EYS: variants seen among roughly 807,000 people sequenced by gnomAD.
EYS encodes the protein protein eyes shut homolog.
EYS carries 250 observed loss-of-function variants against 282.1 expected under a neutral mutation model. The ratio of observed to expected loss-of-function variants is 0.89; its 90% CI spans 0.80 to 0.98. The LOEUF (loss-of-function observed/expected upper bound fraction) is 0.98. EYS is among the 50% of genes least tolerant of loss of function. EYS has a pLI of 0.00. For synonymous variants in EYS, 1,355 were observed against 1,282.9 expected (o/e 1.06, Z -1.20); for missense variants, 4,016 against 3,709.0 (o/e 1.08, Z -2.15).
At chr6:65,222,051 T>C (rs1233045792) in intron 12 of EYS, among the ~76,000 whole-genome samples, 1 of 152,182 alleles carries the variant, frequency 6.6e-6, no homozygotes, top group Non-Finnish European at 1.5e-5. Context: ...ACCTAGGAAG[T>C]AACTAACTTG....
chr6:65,086,321 A>C (rs1442486975), intron 12 of EYS, among the ~76,000 whole-genome samples: 1 of 151,388 alleles, frequency 6.6e-6, no homozygotes, highest in African/African-American at 2.5e-5. Context: ...ATCTCAAAAA[A>C]ACTAAATAAA....
chr6:64,950,823 ATATATATATATT>A lies in EYS; in HGVS notation c.2260-4921_2260-4910del, dbSNP rs1384054048. On this transcript the variant is annotated intron_variant, in intron 14 of 42. Coordinates refer to ENST00000503581, the MANE Select transcript of EYS (RefSeq NM_001142800.2). Reference sequence around the variant, plus strand: ...CATATATATATATATATATATATATATATATATATATTGTTGAATTGTTACAAGAACAACTGA... The same window carrying A: ...CATATATATATATATATATATATATAGTTGAATTGTTACAAGAACAACTGA... 1.2e-3 allele frequency among the ~76,000 whole-genome samples: 136 copies of A among 115,696 alleles called. 2 individuals are homozygous for A. In the Middle Eastern group the frequency reaches 0.013, roughly 11 times the overall value. 75.9% of individuals were successfully genotyped at this position (115,696 alleles called of 152,430 possible).
At chr6:65,316,363 C>T (rs553760178) in intron 11 of EYS, among the ~76,000 whole-genome samples, 2 of 152,158 alleles carry the variant, frequency 1.3e-5, no homozygotes, top group Admixed American at 6.5e-5. Flanking sequence ...AGATTATCTT[C>T]TAATTGATTT....
intron 19 of EYS, among the ~76,000 whole-genome samples, chr6:64,850,916 T>C (rs951546815): frequency 6.6e-6 from 1 of 152,066 alleles, no homozygotes; most frequent in African/African-American, 2.4e-5. Context: ...GTAGGGAAGA[T>C]GCAAGGGATA....
At chr6:65,013,826 C>T (rs1020248283) in intron 13 of EYS, among the ~76,000 whole-genome samples, 4 of 152,260 alleles carry the variant, frequency 2.6e-5, no homozygotes, top group Admixed American at 1.3e-4. Context: ...GATTGAGCCA[C>T]TGCATTTCAG....
At chr6:64,913,135 A>G (rs1322895312) in intron 15 of EYS, among the ~76,000 whole-genome samples, 1 of 152,122 alleles carries the variant, frequency 6.6e-6, no homozygotes, top group Non-Finnish European at 1.5e-5. Flanking sequence ...CGTCCTTAGC[A>G]ATATGTGAAA....
chr6:63,723,788 CATTATTATTATT>C (rs57873412), intron 42 of EYS, among the ~76,000 whole-genome samples: 10,122 of 138,120 alleles, frequency 0.073, 401 homozygotes, highest in East Asian at 0.14. Flanking sequence ...TACACATTGG[CATTATTATTATT>C]ATTATTATTA....
At chr6:65,549,620 T>TA (rs566792726) in intron 2 of EYS, among the ~76,000 whole-genome samples, 26 of 152,318 alleles carry the variant, frequency 1.7e-4, no homozygotes, top group African/African-American at 6.3e-4. Context: ...GGCTTATATT[T>TA]AAGGTCTCAT....
intron 26 of EYS, among the ~76,000 whole-genome samples, chr6:64,551,868 G>A (rs563653788): frequency 6.6e-6 from 1 of 152,282 alleles, no homozygotes; most frequent in East Asian, 1.9e-4. Context: ...TCCAGCACCT[G>A]TTGTTTCCTG....
intron 4 of EYS, among the ~76,000 whole-genome samples, chr6:65,493,205 T>C (rs1766112845): frequency 6.6e-6 from 1 of 152,080 alleles, no homozygotes; most frequent in Admixed American, 6.6e-5. Flanking sequence ...ATGAGCCGCC[T>C]CCAAGTCGGC....
In EYS at chr6:65,388,147, A is replaced by T. The variant is rs189680556; in HGVS notation, c.1185-3647T>A. 4.7e-4 allele frequency among the ~76,000 whole-genome samples: 72 copies of T among 152,138 alleles called. 1 individual carries two copies. In the East Asian group the frequency reaches 0.013, roughly 28 times the overall value. Reference sequence around the variant, plus strand: ...ACAAGGTCACTGCCTGGATTTCAGGAAGCAAATAATTCAGATGTAAAAGTG... The same window carrying T: ...ACAAGGTCACTGCCTGGATTTCAGGTAGCAAATAATTCAGATGTAAAAGTG... On this transcript the variant is annotated intron_variant, in intron 7 of 42. Transcript: ENST00000503581.
chr6:64,659,788 G>A (rs2149886265), intron 22 of EYS, among the ~76,000 whole-genome samples: 1 of 152,162 alleles, frequency 6.6e-6, no homozygotes, highest in Non-Finnish European at 1.5e-5. Context: ...TGGATTCACA[G>A]CCGAATTCTA....
chr6:65,179,561 A>C (rs1562007127), intron 12 of EYS, among the ~76,000 whole-genome samples: 1 of 151,244 alleles, frequency 6.6e-6, no homozygotes, highest in Non-Finnish European at 1.5e-5. Context: ...AATTGAGGCA[A>C]TAACAGCTTA....
intron 5 of EYS, among the ~76,000 whole-genome samples, chr6:65,446,691 T>C (rs1372416980): frequency 1.3e-5 from 2 of 151,900 alleles, no homozygotes; most frequent in Non-Finnish European, 2.9e-5. Flanking sequence ...TTCTTGATTG[T>C]ACTTTGATAC....
At chr6:64,934,738 C>A (rs1432838629) in intron 15 of EYS, among the ~76,000 whole-genome samples, 6 of 151,722 alleles carry the variant, frequency 4.0e-5, no homozygotes, top group African/African-American at 1.4e-4. Context: ...TCATAACTAG[C>A]AGACTAACAT....
chr6:63,994,824 G>C (rs1304301397), intron 34 of EYS, among the ~76,000 whole-genome samples: 2 of 151,850 alleles, frequency 1.3e-5, no homozygotes, highest in Non-Finnish European at 2.9e-5. Flanking sequence ...CAAGGATTTT[G>C]AAAATTGAAA....
intron 35 of EYS, among the ~76,000 whole-genome samples, chr6:63,973,392 A>G (rs139601905): frequency 4.1e-4 from 62 of 152,222 alleles, no homozygotes; most frequent in African/African-American, 1.5e-3. Flanking sequence ...AAACAAATTT[A>G]CAAGAAGAGA....
At chr6:65,132,168 G>A (rs6455027) in intron 12 of EYS, among the ~76,000 whole-genome samples, 51,977 of 151,678 alleles carry the variant, frequency 0.34, 9,664 homozygotes, top group African/African-American at 0.49. Flanking sequence ...TACTGAAACT[G>A]TTCAAAATAT....
chr6:64,277,060 C>A (rs1245260202), intron 30 of EYS, among the ~76,000 whole-genome samples: 1 of 152,178 alleles, frequency 6.6e-6, no homozygotes, highest in East Asian at 1.9e-4. Flanking sequence ...ATTCTATGAC[C>A]ATGGCTGTCA....
Sources: allele counts gnomAD v4.1 joint callset (sites outside exome capture counted in the v4.1 genomes callset), GRCh38; gene constraint gnomAD v4.1.1; transcripts MANE v1.5; gene names NCBI Gene and HGNC (gene_info 2026-07-23, HGNC 2026-07-21).